Variants in MCM3AP observed in about 807,000 individuals in gnomAD.
MCM3AP encodes minichromosome maintenance complex component 3 associated protein, also known as germinal-center associated nuclear protein.
A neutral mutation model predicts 184.1 loss-of-function variants in MCM3AP; 126 were observed. The ratio of observed to expected loss-of-function variants is 0.68; its 90% CI spans 0.59 to 0.79. The LOEUF (loss-of-function observed/expected upper bound fraction) is 0.79, where lower values mean the gene tolerates loss of function less well. Among genes scored for constraint, MCM3AP ranks in the 30% least tolerant of loss-of-function variants. The probability of loss-of-function intolerance (pLI) is 0.00; values close to 1 mark genes in which losing one functional copy is unlikely to be tolerated. For synonymous variants in MCM3AP, 1,002 were observed against 979.3 expected (o/e 1.02, Z -0.43); for missense variants, 2,496 against 2,479.2 (o/e 1.01, Z -0.14).
rs749548268 is a variant in MCM3AP, at chr21:46,280,091, G to T, written c.1569C>A (p.Asp523Glu). ...PFSLKEKKPG[D>E]GEVSPSTEDA... is the part of the protein sequence containing the mutation. Reference sequence around the variant, plus strand: ...CCTCTGTGCTCGGGCTGACTTCACCGTCACCTGGTTTCTTCTCCTTCAGGG... The same window carrying T: ...CCTCTGTGCTCGGGCTGACTTCACCTTCACCTGGTTTCTTCTCCTTCAGGG... The change falls in exon 4 of 28, where the codon GAC becomes GAA. Residue 523 changes from aspartate (D) to glutamate (E), a missense_variant. Around this residue, in one of 5 missense-constraint regions of MCM3AP, gnomAD observed 800 missense variants for 717.1 expected, o/e 1.12. Coordinates refer to ENST00000291688, the MANE Select transcript of MCM3AP (RefSeq NM_003906.5). 6.2e-7 allele frequency: 1 copy of T among 1,614,062 alleles called. No homozygotes were observed. Among genetic ancestry groups the T allele is most frequent in the Non-Finnish European group, 8.5e-7 (1 of 1,180,024 alleles).
chr21:46,236,882 GA>G lies in MCM3AP; in HGVS notation c.5730del (p.Leu1911PhefsTer8). 6.4e-7 allele frequency: 1 copy of G among 1,565,372 alleles called. No homozygotes were observed. The highest frequency in any genetic ancestry group is 8.6e-7 in the Non-Finnish European group (1 of 1,161,092). ...ATCACAGGTTCAATAGTGTGAGAAA[GA>G]GACACTAGAGTCTGAGGAAGATAGA... ...LPLYLPQTLV[S>X]LSHTIEPVMK... On this transcript the variant is annotated frameshift_variant, in exon 27 of 28. Transcript: ENST00000291688. LOFTEE classifies it high-confidence loss of function.
intron 5 of MCM3AP, among the ~76,000 whole-genome samples, chr21:46,276,264 GA>G (rs751873210): frequency 1.5e-3 from 189 of 129,702 alleles, no homozygotes; most frequent in Non-Finnish European, 1.4e-3. Flanking sequence ...CCATCTCGAG[GA>G]AAAAAAAAAA....
At chr21:46,277,405 T>C (rs1002428590) in intron 5 of MCM3AP, 122 bp downstream of exon 5, 16 of 652,412 alleles carry the variant, frequency 2.5e-5, no homozygotes, top group Non-Finnish European at 3.1e-5. Context: ...AGACACAGCA[T>C]ATCACAGGCT....
In MCM3AP at chr21:46,283,834, A is replaced by G. The variant is rs1331055964; in HGVS notation, c.1224T>C (p.Ser408=). 1 of 1,611,924 alleles carries G rather than the reference A, an allele frequency of 6.2e-7. No homozygotes were observed. The highest frequency in any genetic ancestry group is 1.7e-5 in the Admixed American group (1 of 60,008). Residue 408 remains serine, a synonymous_variant, in exon 2 of 28, where the codon TCT becomes TCC. Coordinates refer to ENST00000291688, the MANE Select transcript of MCM3AP (RefSeq NM_003906.5). ...ETESREKKED[S]LRGTPARQSN... The stretch of plus-strand genomic sequence containing the variant: ...TCTGACGCGCCGGAGTTCCTCTTAG[A>G]GAATCTAGGGGTTCAGAGAATGGAC...
chr21:46,277,395 A>G, intron 5 of MCM3AP, 132 bp downstream of exon 5: 1 of 598,126 alleles, frequency 1.7e-6, no homozygotes, highest in South Asian at 3.1e-5. Context: ...TATGAAGATC[A>G]GACACAGCAT....
In MCM3AP at chr21:46,275,277, G is replaced by A. The variant is rs755471673; in HGVS notation, c.1907C>T (p.Thr636Ile). 1.3e-5 allele frequency: 21 copies of A among 1,613,960 alleles called. No individual in the cohort carries two copies. In the South Asian group the frequency reaches 1.9e-4, roughly 14 times the overall value. The change falls in exon 6 of 28, where the codon ACC becomes ATC. Residue 636 changes from threonine (T) to isoleucine (I), a missense_variant. Coordinates refer to ENST00000291688, the MANE Select transcript of MCM3AP (RefSeq NM_003906.5). ...CTTCTCAGGACACATATCCAGGCAG[G>A]TGCCAACAAAAGTCCTCGCTTTGTC... ...DLDKARTFVG[T>I]CLDMCPEKER...
At position 46,284,469 on chromosome 21, in the gene MCM3AP, C is replaced by T. The variant is rs998311006; in HGVS notation, c.818G>A (p.Gly273Glu). 7.4e-6 allele frequency: 12 copies of T among 1,614,124 alleles called. No individual in the cohort carries two copies. Among genetic ancestry groups the T allele is most frequent in the Middle Eastern group, 1.6e-4 (1 of 6,062 alleles). The change falls in exon 1 of 28, where the codon GGG becomes GAG. Residue 273 changes from glycine (G) to glutamate (E), a missense_variant. By Grantham distance (98) the Gly-to-Glu change is moderately conservative. Around this residue, in one of 5 missense-constraint regions of MCM3AP, gnomAD observed 800 missense variants for 717.1 expected, o/e 1.12. Transcript: ENST00000291688. ...FQASKAGVRQGCEEAVSQVEP... is the reference protein window; with the variant it reads ...FQASKAGVRQECEEAVSQVEP... ...CACCTGGGAAACAGCTTCTTCACAC[C>T]CCTGCCTGACACCTGCTTTGCTAGC...
At chr21:46,249,376 CAG>C (rs1371889829) in intron 20 of MCM3AP, among the ~76,000 whole-genome samples, 1 of 152,084 alleles carries the variant, frequency 6.6e-6, no homozygotes, top group East Asian at 1.9e-4. Context: ...TTTATAGAGA[CAG>C]GGTTTCACCG....
intron 24 of MCM3AP, 70 bp from the exon 25 acceptor site, chr21:46,243,001 A>G: frequency 7.8e-7 from 1 of 1,283,254 alleles, no homozygotes; most frequent in Non-Finnish European, 1.0e-6. Flanking sequence ...AAAAAAAAAC[A>G]CACACAAAAA....
chr21:46,271,592 A>C (rs2081180670), intron 8 of MCM3AP, among the ~76,000 whole-genome samples: 1 of 151,674 alleles, frequency 6.6e-6, no homozygotes, highest in African/African-American at 2.4e-5. Context: ...GGGCATGGAG[A>C]CTCTAACTGT....
At chr21:46,256,081 G>C (rs2080944904) in intron 17 of MCM3AP, among the ~76,000 whole-genome samples, 1 of 152,228 alleles carries the variant, frequency 6.6e-6, no homozygotes, top group African/African-American at 2.4e-5. Flanking sequence ...GGCCCCAGCG[G>C]TGTGCCTGCT....
chr21:46,263,393 T>A (rs909202034), intron 13 of MCM3AP, among the ~76,000 whole-genome samples: 1 of 151,756 alleles, frequency 6.6e-6, no homozygotes, highest in Non-Finnish European at 1.5e-5. Context: ...ACTTTATACG[T>A]TGAAAACTAC....
intron 5 of MCM3AP, among the ~76,000 whole-genome samples, chr21:46,276,707 C>T (rs1359152760): frequency 6.6e-6 from 1 of 150,928 alleles, no homozygotes; most frequent in East Asian, 1.9e-4. Flanking sequence ...TCCTAAAGTG[C>T]TGGGATTACA....
chr21:46,265,580 C>T (rs1372556694), intron 11 of MCM3AP, 57 bp from the exon 12 acceptor site: 21 of 1,410,908 alleles, frequency 1.5e-5, no homozygotes, highest in Middle Eastern at 1.9e-4. Flanking sequence ...CCTGGCACCA[C>T]GGGGACCGAG....
intron 8 of MCM3AP, among the ~76,000 whole-genome samples, chr21:46,271,096 T>C (rs2081173073): frequency 6.6e-6 from 1 of 152,194 alleles, no homozygotes; most frequent in Non-Finnish European, 1.5e-5. Flanking sequence ...GACTGAATTA[T>C]TCGTGATGGA....
chr21:46,256,723 C>T, intron 17 of MCM3AP, 66 bp downstream of exon 17: 1 of 1,511,942 alleles, frequency 6.6e-7, no homozygotes, highest in Non-Finnish European at 8.9e-7. Flanking sequence ...CACATTAATT[C>T]CGCTCCTGGT....
Position 46,266,975 on chromosome 21 carries a change from C to T in MCM3AP, c.2789+7G>A, listed in dbSNP as rs1472380504. The T allele has an allele frequency of 1.9e-6, 3 of 1,614,030 alleles. No homozygotes were observed. The highest frequency in any genetic ancestry group is 3.3e-5 in the Admixed American group (2 of 60,016). On this transcript the variant is annotated splice_region_variant and intron_variant, in intron 10 of 27. Transcript: ENST00000291688. ...AGGGGCCCCACAGTTCCATTCTCAG[C>T]TCTTACCCGTCGGAAACGGTGAGGC...
chr21:46,283,314 C>T (rs770367500), intron 2 of MCM3AP, among the ~76,000 whole-genome samples: 1 of 152,206 alleles, frequency 6.6e-6, no homozygotes, highest in Admixed American at 6.5e-5. Flanking sequence ...AACTCAACTT[C>T]CAAAAGTACT....
intron 9 of MCM3AP, among the ~76,000 whole-genome samples, chr21:46,269,787 T>C (rs1011378059): frequency 1.3e-5 from 2 of 152,224 alleles, no homozygotes; most frequent in Admixed American, 1.3e-4. Context: ...CTGGTCACAT[T>C]GCACTGAACG....
Sources: gnomAD v4.1 joint callset for allele counts (sites outside exome capture counted in the v4.1 genomes callset) on GRCh38, gnomAD v4.1.1 for gene constraint, gnomAD v4.1.1 regional missense constraint, MANE v1.5 for transcripts, NCBI Gene and HGNC (gene_info 2026-07-23, HGNC 2026-07-21) for gene names.